The following NDUFA10 variants were observed in gnomAD, a reference collection of about 807,000 sequenced individuals.
The protein encoded by NDUFA10 is NADH:ubiquinone oxidoreductase subunit A10, also known as NADH dehydrogenase [ubiquinone] 1 alpha subcomplex subunit 10, mitochondrial.
In NDUFA10, 40 loss-of-function variants were observed where a neutral mutation model predicts 47.8. The observed-to-expected ratio is 0.84, with a 90% CI of 0.65 to 1.09. The LOEUF is 1.09. Among genes scored for constraint, NDUFA10 ranks in the 50% least tolerant of loss-of-function variants. The pLI is 0.00. For synonymous variants in NDUFA10, 183 were observed against 172.2 expected (o/e 1.06, Z -0.49); for missense variants, 413 against 451.1 (o/e 0.92, Z 0.76).
rs529221647 is a variant in NDUFA10, at chr2:240,016,960, C to T, written c.547+1593G>A. Among the ~76,000 whole-genome samples, 2 of 152,262 alleles carry T rather than the reference C, an allele frequency of 1.3e-5. No individual in the cohort carries two copies. Among genetic ancestry groups the T allele is most frequent in the East Asian group, 1.9e-4 (1 of 5,172 alleles). On this transcript the variant is annotated intron_variant, in intron 4 of 9. Coordinates refer to ENST00000252711, the MANE Select transcript of NDUFA10 (RefSeq NM_004544.4). The surrounding 1 kb of genome is among the most constrained non-coding windows in gnomAD (Gnocchi z 4.4). ...CGGCCCACTAGCCAGGGCAGGTCCA[C>T]GCCACTCCCCACTGTGCACACAGGA...
chr2:240,018,464 C>G (rs762190163), intron 4 of NDUFA10, 89 bp downstream of exon 4: 1 of 1,610,540 alleles, frequency 6.2e-7, no homozygotes, highest in Non-Finnish European at 8.5e-7. Flanking sequence ...AACAGACATT[C>G]ATAAACACAG....
rs1694793708 is a variant in NDUFA10, at chr2:239,960,208, A to C, written c.*910T>G. The C allele has an allele frequency of 4.1e-6, 4 of 984,892 alleles. No homozygotes were observed. The highest frequency in any genetic ancestry group is 1.2e-6 in the Non-Finnish European group (1 of 829,918). 61.0% of individuals were successfully genotyped at this position (984,892 alleles called of 1,614,324 possible). On this transcript the variant is annotated 3_prime_UTR_variant, in exon 10 of 10. Transcript: ENST00000252711. ...ACACAGTGGAGCTTTACAGTGGAAA[A>C]CCCACAGTTCAGTAGGACTCACAAC...
At chr2:239,972,273 ATAAAT>A (rs1242478764) in intron 9 of NDUFA10, among the ~76,000 whole-genome samples, 1 of 152,106 alleles carries the variant, frequency 6.6e-6, no homozygotes, top group African/African-American at 2.4e-5. Context: ...CTGTAAATAT[ATAAAT>A]TAAACAAAAA....
At chr2:239,929,362 C>G (rs1193796097) in intron 4 of NDUFA10, among the ~76,000 whole-genome samples, 3 of 152,116 alleles carry the variant, frequency 2.0e-5, no homozygotes, top group Non-Finnish European at 4.4e-5. Flanking sequence ...CAGGGTCTCA[C>G]GAGGCCATTT....
chr2:239,965,519 C>T (rs1407222987), intron 9 of NDUFA10, among the ~76,000 whole-genome samples: 3 of 152,138 alleles, frequency 2.0e-5, no homozygotes, highest in Non-Finnish European at 2.9e-5. Flanking sequence ...AGCCTCACTC[C>T]GGGAGCCGCA....
At position 240,002,330 on chromosome 2, in the gene NDUFA10, CAAAAAAAAAAAA is replaced by C. The variant is rs61475593; in HGVS notation, c.890+2868_890+2879del. ...GGGCAACAAGAGCAAAACTCTGACT[CAAAAAAAAAAAA>C]AAAAAAAAAAAAAAGACAAGGAAAG... On this transcript the variant is annotated intron_variant, in intron 8 of 9. Coordinates refer to ENST00000252711, the MANE Select transcript of NDUFA10 (RefSeq NM_004544.4). Among the ~76,000 whole-genome samples the C allele has an allele frequency of 7.5e-3, 631 of 83,740 alleles. 2 individuals carry two copies. The highest frequency in any genetic ancestry group is 0.011 in the Non-Finnish European group (513 of 45,306). 54.9% of individuals were successfully genotyped at this position (83,740 alleles called of 152,430 possible).
At chr2:239,943,796 G>A (rs1003388992) in intron 4 of NDUFA10, among the ~76,000 whole-genome samples, 8 of 152,086 alleles carry the variant, frequency 5.3e-5, no homozygotes, top group Admixed American at 2.0e-4. Flanking sequence ...ACGAGTATGG[G>A]CCCTGGATGC....
chr2:239,995,825 ACAT>A (rs1265291384), intron 8 of NDUFA10, among the ~76,000 whole-genome samples: 1 of 152,232 alleles, frequency 6.6e-6, no homozygotes, highest in Non-Finnish European at 1.5e-5. Context: ...ACAAGGACAA[ACAT>A]CAGCGAAAAA....
In NDUFA10 at chr2:239,899,016, G is replaced by A. The variant is rs564722329; in HGVS notation, c.295-3702C>T. On this transcript the variant is annotated intron_variant, in intron 4 of 5. Coordinates refer to the NDUFA10 transcript ENST00000419408. ...GTGTGATGGAGAGGTGTGATGGAGGGGAGTCATGGAGGGGTGTAAAGGAGG... is the reference window on the plus strand; with the variant it reads ...GTGTGATGGAGAGGTGTGATGGAGGAGAGTCATGGAGGGGTGTAAAGGAGG... Among the ~76,000 whole-genome samples, 71 of 108,462 alleles carry A rather than the reference G, an allele frequency of 6.5e-4. 1 individual carries two copies. The highest frequency in any genetic ancestry group is 1.0e-3 in the Non-Finnish European group (48 of 48,050). The allele number at this position is 108,462 out of a possible 152,430, so 71.2% of individuals were successfully genotyped here. A position where few individuals can be genotyped will look rare whatever the true frequency, so the allele number is the denominator to read the frequency against.
In NDUFA10 at chr2:239,945,903, G is replaced by A. The variant is rs756704949; in HGVS notation, c.294+44171C>T. On this transcript the variant is annotated intron_variant, in intron 4 of 5. Transcript: ENST00000419408. The surrounding 1 kb of genome is among the most constrained non-coding windows in gnomAD (Gnocchi z 4.6). ...TGTGCAACCCAGGTGCCTGGAGCAGGAGGGTGGAAGACACTGCGCTGAGAA... is the reference window on the plus strand; with the variant it reads ...TGTGCAACCCAGGTGCCTGGAGCAGAAGGGTGGAAGACACTGCGCTGAGAA... Among the ~76,000 whole-genome samples the A allele has an allele frequency of 3.3e-5, 5 of 152,172 alleles. No homozygotes were observed. The highest frequency in any genetic ancestry group is 6.5e-5 in the Admixed American group (1 of 15,288).
intron 4 of NDUFA10, among the ~76,000 whole-genome samples, chr2:239,912,219 C>T (rs994475807): frequency 1.3e-5 from 2 of 152,158 alleles, no homozygotes; most frequent in African/African-American, 4.8e-5. Context: ...CTGCTGGGCT[C>T]CCCTGGCTCC....
At chr2:239,915,199 A>G (rs1046866708) in intron 4 of NDUFA10, among the ~76,000 whole-genome samples, 1 of 147,812 alleles carries the variant, frequency 6.8e-6, no homozygotes, top group Non-Finnish European at 1.5e-5. Flanking sequence ...ACACGTATAC[A>G]GACACACAAA....
At chr2:239,976,288 C>G (rs1225792181) in intron 9 of NDUFA10, among the ~76,000 whole-genome samples, 1 of 152,160 alleles carries the variant, frequency 6.6e-6, no homozygotes. Context: ...CACGGTCCAC[C>G]CTGAGACCCT....
At chr2:240,002,692 A>C (rs1250033509) in intron 8 of NDUFA10, among the ~76,000 whole-genome samples, 1 of 152,040 alleles carries the variant, frequency 6.6e-6, no homozygotes, top group Non-Finnish European at 1.5e-5. Context: ...CAGTGTGCCT[A>C]CCTTGCTCAC....
chr2:240,006,067 A>G (rs1696937237), intron 7 of NDUFA10, among the ~76,000 whole-genome samples: 1 of 152,150 alleles, frequency 6.6e-6, no homozygotes, highest in South Asian at 2.1e-4. Flanking sequence ...CAGAGGAGTA[A>G]TCTTTCCATA....
chr2:239,932,469 G>A (rs116559045), intron 4 of NDUFA10, among the ~76,000 whole-genome samples: 2,590 of 152,350 alleles, frequency 0.017, 33 homozygotes, highest in Non-Finnish European at 0.027. Context: ...GCCCGCAGGC[G>A]TGTAGATTGC....
intron 4 of NDUFA10, among the ~76,000 whole-genome samples, chr2:239,913,861 C>G (rs1693795129): frequency 6.6e-6 from 1 of 152,244 alleles, no homozygotes; most frequent in African/African-American, 2.4e-5. Context: ...AAAGGGGCAT[C>G]ACCTCGGCGT....
At chr2:239,926,319 C>G (rs938202841) in intron 4 of NDUFA10, among the ~76,000 whole-genome samples, 1 of 152,224 alleles carries the variant, frequency 6.6e-6, no homozygotes, top group Non-Finnish European at 1.5e-5. Context: ...ACAGAAAAAA[C>G]TAGCATACAA....
At chr2:239,984,961 G>A (rs1695937203) in intron 9 of NDUFA10, among the ~76,000 whole-genome samples, 1 of 152,224 alleles carries the variant, frequency 6.6e-6, no homozygotes, top group Non-Finnish European at 1.5e-5. Context: ...AAACACTCCA[G>A]ACCTCACAAA....
Sources: allele counts gnomAD v4.1 joint callset (sites outside exome capture counted in the v4.1 genomes callset), GRCh38; gene constraint gnomAD v4.1.1; non-coding constraint Gnocchi (gnomAD v3.1); transcripts MANE v1.5; gene names NCBI Gene and HGNC (gene_info 2026-07-23, HGNC 2026-07-21).